ACER3: variants seen among roughly 807,000 people sequenced by gnomAD.
ACER3 encodes alkaline ceramidase 3, also known as alkCDase 3.
In ACER3, 16 loss-of-function variants were observed where a neutral mutation model predicts 48.9. The ratio of observed to expected loss-of-function variants is 0.33; its 90% CI spans 0.22 to 0.50. The LOEUF (loss-of-function observed/expected upper bound fraction) is 0.50. Ranked by LOEUF, ACER3 falls within the 20% of genes least tolerant of loss-of-function variation. The probability of loss-of-function intolerance (pLI) is 0.98; values close to 1 mark genes in which losing one functional copy is unlikely to be tolerated. For missense variants in ACER3, 227 were observed against 326.0 expected, an observed-to-expected ratio of 0.70 and a Z score of 2.34; for synonymous variants, 109 against 107.8, an observed-to-expected ratio of 1.01 and a Z score of -0.07.
At chr11:76,901,994 G>A (rs994676569) in intron 1 of ACER3, among the ~76,000 whole-genome samples, 1 of 152,014 alleles carries the variant, frequency 6.6e-6, no homozygotes, top group Non-Finnish European at 1.5e-5. Context: ...ATCCCTTCCT[G>A]CCTTAAATCC....
At chr11:76,971,925 A>T (rs1357247636) in intron 3 of ACER3, among the ~76,000 whole-genome samples, 1 of 152,188 alleles carries the variant, frequency 6.6e-6, no homozygotes, top group Non-Finnish European at 1.5e-5. Flanking sequence ...GGGTGGTTCA[A>T]AGAAAGCCTG....
At chr11:76,889,553 T>C (rs190802170) in intron 1 of ACER3, among the ~76,000 whole-genome samples, 178 of 152,332 alleles carry the variant, frequency 1.2e-3, no homozygotes, top group Non-Finnish European at 1.9e-3. Context: ...CATGGAAATA[T>C]AGAGTTGAGA....
At chr11:77,014,944 G>A (rs1565229196) in intron 7 of ACER3, 72 bp from the exon 8 acceptor site, 4 of 915,910 alleles carry the variant, frequency 4.4e-6, no homozygotes, top group Non-Finnish European at 7.2e-6. Flanking sequence ...GGAAGAAAGT[G>A]ATGGCTTCAA....
At chr11:76,983,407 C>T (rs1401329713) in intron 4 of ACER3, among the ~76,000 whole-genome samples, 3 of 152,060 alleles carry the variant, frequency 2.0e-5, no homozygotes, top group Admixed American at 2.0e-4. Context: ...ATCTCCTCAT[C>T]CCAGGCTCAA....
At chr11:76,966,220 A>G (rs1192428821) in intron 3 of ACER3, among the ~76,000 whole-genome samples, 89 of 152,158 alleles carry the variant, frequency 5.8e-4, no homozygotes, top group Middle Eastern at 3.4e-3. Context: ...GAAGGCCATT[A>G]CATAATGGTA....
chr11:76,914,667 A>G (rs1259886774), intron 1 of ACER3, among the ~76,000 whole-genome samples: 1 of 152,162 alleles, frequency 6.6e-6, no homozygotes, highest in Non-Finnish European at 1.5e-5. Context: ...ATCTAGAAAT[A>G]CCATTTGACC....
At chr11:76,960,387 G>A (rs911427121) in intron 3 of ACER3, among the ~76,000 whole-genome samples, 9 of 151,736 alleles carry the variant, frequency 5.9e-5, no homozygotes, top group East Asian at 1.9e-4. Flanking sequence ...CCAGCCTGGC[G>A]ACAGAGCAAG....
At chr11:76,891,365 C>T (rs895077153) in intron 1 of ACER3, among the ~76,000 whole-genome samples, 1 of 151,718 alleles carries the variant, frequency 6.6e-6, no homozygotes, top group African/African-American at 2.4e-5. Flanking sequence ...CAGAATCAGG[C>T]CTCAGGAAAC....
intron 2 of ACER3, among the ~76,000 whole-genome samples, chr11:76,945,689 A>G (rs2134947563): frequency 6.6e-6 from 1 of 152,292 alleles, no homozygotes; most frequent in African/African-American, 2.4e-5. Flanking sequence ...TTGGGCCTGC[A>G]CTTCACTTGC....
intron 5 of ACER3, among the ~76,000 whole-genome samples, chr11:76,988,552 C>T (rs1245289892): frequency 6.6e-6 from 1 of 152,132 alleles, no homozygotes; most frequent in East Asian, 1.9e-4. Context: ...CTCATGAGAA[C>T]TCACTCACTA....
intron 1 of ACER3, among the ~76,000 whole-genome samples, chr11:76,887,509 G>A (rs1158961581): frequency 6.6e-6 from 1 of 151,878 alleles, no homozygotes; most frequent in Non-Finnish European, 1.5e-5. Flanking sequence ...AAAGTATATA[G>A]TTTTTCAAAT....
chr11:76,913,015 A>G lies in ACER3; in HGVS notation c.104-13542A>G, dbSNP rs574748955. Among the ~76,000 whole-genome samples, 4 of 152,298 alleles carry G rather than the reference A, an allele frequency of 2.6e-5. No homozygotes were observed. The South Asian group carries it at 6.2e-4, about 24-fold the overall frequency. On this transcript the variant is annotated intron_variant, in intron 1 of 10. Transcript: ENST00000532485. Reference sequence around the variant, plus strand: ...AAAGAAAGGAAAATTTGCTTGAAGGAGACCTGAAGGTCCAAGAGAAGAAAG... The same window carrying G: ...AAAGAAAGGAAAATTTGCTTGAAGGGGACCTGAAGGTCCAAGAGAAGAAAG...
intron 1 of ACER3, chr11:76,868,049 C>T (rs927634703): frequency 1.7e-5 from 21 of 1,207,842 alleles, no homozygotes; most frequent in Non-Finnish European, 1.8e-5. Flanking sequence ...CTCTGCCATA[C>T]AGGTATGCCA....
rs1043185058 is a variant in ACER3, at chr11:76,938,834, AG to A, written c.214+12168del. On this transcript the variant is annotated intron_variant, in intron 2 of 10. Coordinates refer to ENST00000532485, the MANE Select transcript of ACER3 (RefSeq NM_018367.7). ...AGTAGCAATGAACATACCTATTAATAGTGCTAGACTTTGGTTTTTAAGTCTT... is the reference window on the plus strand; with the variant it reads ...AGTAGCAATGAACATACCTATTAATATGCTAGACTTTGGTTTTTAAGTCTT... Among the ~76,000 whole-genome samples the A allele has an allele frequency of 4.6e-5, 7 of 151,822 alleles. No homozygotes were observed. In the South Asian group the frequency reaches 8.3e-4, roughly 18 times the overall value.
chr11:76,901,984 A>G (rs530951069), intron 1 of ACER3, among the ~76,000 whole-genome samples: 3 of 152,120 alleles, frequency 2.0e-5, no homozygotes, highest in Admixed American at 6.5e-5. Context: ...GAGTTAACCT[A>G]TCCCTTCCTG....
chr11:76,940,878 G>C (rs974878010), intron 2 of ACER3, among the ~76,000 whole-genome samples: 1 of 152,036 alleles, frequency 6.6e-6, no homozygotes, highest in South Asian at 2.1e-4. Flanking sequence ...ATGTTCGATG[G>C]ATAAGTGAAT....
At chr11:76,970,753 C>T (rs762470691) in intron 3 of ACER3, among the ~76,000 whole-genome samples, 2 of 151,264 alleles carry the variant, frequency 1.3e-5, no homozygotes, top group Non-Finnish European at 2.9e-5. Flanking sequence ...AGTAAAAATT[C>T]ACCCTTTTAA....
intron 1 of ACER3, among the ~76,000 whole-genome samples, chr11:76,874,009 G>A (rs1455492701): frequency 6.6e-6 from 1 of 152,148 alleles, no homozygotes; most frequent in Non-Finnish European, 1.5e-5. Context: ...GTTTTAGGTA[G>A]TGCAGAATAT....
intron 4 of ACER3, among the ~76,000 whole-genome samples, chr11:76,978,186 C>T (rs61900122): frequency 0.025 from 3,769 of 152,228 alleles, 58 homozygotes; most frequent in South Asian, 0.046. Flanking sequence ...GGGCAGTCCC[C>T]GGTGAAGCTC....
Sources: gnomAD v4.1 joint callset for allele counts (sites outside exome capture counted in the v4.1 genomes callset) on GRCh38, gnomAD v4.1.1 for gene constraint, MANE v1.5 for transcripts, NCBI Gene and HGNC (gene_info 2026-07-23, HGNC 2026-07-21) for gene names.